PDGFRL: variants seen among roughly 807,000 people sequenced by gnomAD.
PDGFRL encodes platelet derived growth factor receptor like, also known as platelet-derived growth factor receptor-like protein.
A neutral mutation model predicts 37.2 loss-of-function variants in PDGFRL; 46 were observed. The ratio of observed to expected loss-of-function variants is 1.24; its 90% confidence interval spans 0.98 to 1.58. The LOEUF is 1.58. PDGFRL is among the 40% of genes most tolerant of loss of function. The pLI is 0.00. For missense variants in PDGFRL, 692 were observed against 467.6 expected (o/e 1.48, Z -4.43); for synonymous variants, 251 against 184.3 (o/e 1.36, Z -2.93).
intron 1 of PDGFRL, among the ~76,000 whole-genome samples, chr8:17,585,822 A>C (rs918772705): frequency 6.6e-6 from 1 of 152,218 alleles, no homozygotes; most frequent in Non-Finnish European, 1.5e-5. Context: ...CTAATAGGTC[A>C]CTTTTGATGA....
At chr8:17,596,874 C>T (rs867481565) in intron 2 of PDGFRL, among the ~76,000 whole-genome samples, 6 of 152,236 alleles carry the variant, frequency 3.9e-5, no homozygotes, top group African/African-American at 7.2e-5. Flanking sequence ...CTCTTGACAT[C>T]GTTCCCAGAA....
chr8:17,587,463 G>T (rs539632264), intron 1 of PDGFRL, among the ~76,000 whole-genome samples: 1 of 152,274 alleles, frequency 6.6e-6, no homozygotes, highest in South Asian at 2.1e-4. Context: ...CCTTAATCCA[G>T]AGGTTCATTA....
intron 4 of PDGFRL, among the ~76,000 whole-genome samples, chr8:17,629,311 C>A (rs997448491): frequency 6.6e-6 from 1 of 151,958 alleles, no homozygotes; most frequent in African/African-American, 2.4e-5. Context: ...TGACCCTGAC[C>A]GAAAACCCCT....
intron 4 of PDGFRL, among the ~76,000 whole-genome samples, chr8:17,630,160 C>T (rs558408818): frequency 6.6e-6 from 1 of 152,280 alleles, no homozygotes; most frequent in East Asian, 1.9e-4. Flanking sequence ...GCATTTTGTC[C>T]CGTCTTTCTT....
At chr8:17,607,560 A>G (rs1380474423) in intron 2 of PDGFRL, among the ~76,000 whole-genome samples, 2 of 152,226 alleles carry the variant, frequency 1.3e-5, no homozygotes, top group African/African-American at 4.8e-5. Context: ...AACCAAAGAC[A>G]CTGTAGGAAT....
chr8:17,643,137 TAAGTTAAGTTGACTTA>T (rs970017449), exon 6 of PDGFRL: 1 of 216,122 alleles, frequency 4.6e-6, no homozygotes. Flanking sequence ...AAGTGTTTTT[TAAGTTAAGTTGACTTA>T]AAATACATCC....
intron 1 of PDGFRL, 95 bp downstream of exon 1, chr8:17,577,402 C>T: frequency 1.9e-6 from 2 of 1,080,482 alleles, no homozygotes; most frequent in Non-Finnish European, 2.8e-6. Context: ...CTTGGTCTAA[C>T]GTTCGGCCCT....
intron 1 of PDGFRL, among the ~76,000 whole-genome samples, chr8:17,581,863 GA>G (rs1286967568): frequency 6.6e-6 from 1 of 152,092 alleles, no homozygotes; most frequent in Non-Finnish European, 1.5e-5. Flanking sequence ...ATAGCAATGC[GA>G]AATGAACTAA....
chr8:17,590,538 C>A (rs1170290802), intron 2 of PDGFRL, among the ~76,000 whole-genome samples: 3 of 151,806 alleles, frequency 2.0e-5, no homozygotes, highest in Admixed American at 6.6e-5. Flanking sequence ...ATGGTGAAAC[C>A]CCGTCTCTAC....
At chr8:17,599,920 A>G (rs2517169) in intron 2 of PDGFRL, among the ~76,000 whole-genome samples, 135,993 of 152,034 alleles carry the variant, frequency 0.89, 61,735 homozygotes, top group South Asian at 0.98. Flanking sequence ...CAGGAACTTC[A>G]ATACATCACT....
intron 5 of PDGFRL, 132 bp from the exon 6 acceptor site, chr8:17,642,481 C>A (rs567751993): frequency 3.1e-6 from 2 of 653,894 alleles, no homozygotes; most frequent in African/African-American, 1.8e-5. Flanking sequence ...TTATGAGCTA[C>A]GCATACTAAA....
chr8:17,579,533 TTTA>T (rs1563500863), intron 1 of PDGFRL, among the ~76,000 whole-genome samples: 1 of 138,098 alleles, frequency 7.2e-6, no homozygotes, highest in Non-Finnish European at 1.5e-5. Flanking sequence ...AAAGACAGTC[TTTA>T]TTATTATTTT....
intron 2 of PDGFRL, among the ~76,000 whole-genome samples, chr8:17,612,557 T>G (rs1259230684): frequency 1.3e-5 from 2 of 152,120 alleles, no homozygotes. Flanking sequence ...TTTTAGTAGA[T>G]ATGTGGTTTC....
At chr8:17,582,096 T>A (rs1383653599) in intron 1 of PDGFRL, among the ~76,000 whole-genome samples, 1 of 152,112 alleles carries the variant, frequency 6.6e-6, no homozygotes, top group African/African-American at 2.4e-5. Flanking sequence ...GCTGACAAGG[T>A]CTGAAATGGA....
chr8:17,641,567 T>C (rs143722790), intron 5 of PDGFRL, among the ~76,000 whole-genome samples: 301 of 152,332 alleles, frequency 2.0e-3, no homozygotes, highest in African/African-American at 6.9e-3. Flanking sequence ...CAAGTGGACA[T>C]AGACCACGCC....
At chr8:17,582,593 A>C (rs1044819296) in intron 1 of PDGFRL, among the ~76,000 whole-genome samples, 44 of 152,118 alleles carry the variant, frequency 2.9e-4, no homozygotes, top group African/African-American at 9.2e-4. Context: ...AAAAAAAAAA[A>C]AAAAAAACTT....
chr8:17,642,556 A>G (rs1805157259), intron 5 of PDGFRL, 57 bp from the exon 6 acceptor site: 1 of 1,019,488 alleles, frequency 9.8e-7, no homozygotes, highest in African/African-American at 1.6e-5. Context: ...GGTGAGTGGG[A>G]GCTCTTTATA....
At chr8:17,618,171 A>C (rs765013889) in intron 2 of PDGFRL, among the ~76,000 whole-genome samples, 7 of 152,058 alleles carry the variant, frequency 4.6e-5, no homozygotes, top group Non-Finnish European at 7.4e-5. Context: ...AGATCCTCCC[A>C]CATCAGCCTC....
chr8:17,600,336 T>C (rs1378318160), intron 2 of PDGFRL, among the ~76,000 whole-genome samples: 1 of 152,156 alleles, frequency 6.6e-6, no homozygotes, highest in Non-Finnish European at 1.5e-5. Flanking sequence ...ACAGCCCTTC[T>C]GGAGTCCTCT....
Sources: allele counts gnomAD v4.1 joint callset (sites outside exome capture counted in the v4.1 genomes callset), GRCh38; gene constraint gnomAD v4.1.1; transcripts MANE v1.5; gene names NCBI Gene and HGNC (gene_info 2026-07-23, HGNC 2026-07-21).